Variants in OSBPL9 observed in about 807,000 individuals in gnomAD.
The protein encoded by OSBPL9 is oxysterol-binding protein-related protein 9.
OSBPL9 carries 40 observed loss-of-function variants against 106.6 expected under a neutral mutation model. The observed-to-expected ratio is 0.38, with a 90% CI of 0.29 to 0.49. The LOEUF (loss-of-function observed/expected upper bound fraction) is 0.49, where lower values mean the gene tolerates loss of function less well. Among genes scored for constraint, OSBPL9 ranks in the 20% least tolerant of loss-of-function variants. OSBPL9 has a pLI of 0.97. For missense variants in OSBPL9, 609 were observed against 887.2 expected, an observed-to-expected ratio of 0.69 and a Z score of 3.98; for synonymous variants, 269 against 295.4, an observed-to-expected ratio of 0.91 and a Z score of 0.92.
At chr1:51,750,591 A>AT (rs1328103555) in intron 8 of OSBPL9, among the ~76,000 whole-genome samples, 5 of 152,046 alleles carry the variant, frequency 3.3e-5, no homozygotes, top group African/African-American at 1.2e-4. Flanking sequence ...ATTTTTACGG[A>AT]TTTTTTTCTG....
At chr1:51,663,532 C>T (rs1647647665) in intron 2 of OSBPL9, among the ~76,000 whole-genome samples, 1 of 152,066 alleles carries the variant, frequency 6.6e-6, no homozygotes, top group South Asian at 2.1e-4. Flanking sequence ...ACCTGATATC[C>T]AAATGTAAAG....
the OSBPL9 span, among the ~76,000 whole-genome samples, chr1:51,560,712 C>A: frequency 0.46 from 70,210 of 151,900 alleles, 17,426 homozygotes; most frequent in African/African-American, 0.62. Context: ...TAAAGGCTGG[C>A]GTATTGGTCC....
At chr1:51,782,712 C>A in intron 17 of OSBPL9, 69 bp downstream of exon 17, 1 of 1,390,418 alleles carries the variant, frequency 7.2e-7, no homozygotes, top group Non-Finnish European at 1.0e-6. Context: ...TCATTAAAAG[C>A]GCCATAGCTG....
chr1:51,628,684 C>CTTTTTTTTTTTTT (rs909175159), intron 1 of OSBPL9, among the ~76,000 whole-genome samples: 1 of 134,484 alleles, frequency 7.4e-6, no homozygotes, highest in East Asian at 2.1e-4. Flanking sequence ...TTCTTTTTTT[C>CTTTTTTTTTTTTT]TTTTTTTTTT....
Position 51,610,445 on chromosome 1 carries a change from A to G in OSBPL9, c.-352-3860A>G, listed in dbSNP as rs182480407. Among the ~76,000 whole-genome samples, 156 of 152,234 alleles carry G rather than the reference A, an allele frequency of 1.0e-3. 1 individual carries two copies. Among genetic ancestry groups the G allele is most frequent in the African/African-American group, 3.6e-3 (151 of 41,518 alleles). ...CCAGCTAATTTTGTATTTTTGGTAG[A>G]GACGGGGTTTCACCTTGTTGGCCAG... On this transcript the variant is annotated intron_variant, in intron 2 of 25. Coordinates refer to the OSBPL9 transcript ENST00000371714.
At position 51,651,999 on chromosome 1, in the gene OSBPL9, C is replaced by CA; in HGVS notation, c.124dup (p.Met42AsnfsTer11). ...CTTTGTTTTTCTTTTAGTCCAAGGA[C>CA]AAAATGATGAGAGGCTCTCGCAGAG... On this transcript the variant is annotated frameshift_variant, in exon 2 of 24. Coordinates refer to ENST00000428468, the MANE Select transcript of OSBPL9 (RefSeq NM_024586.6). LOFTEE classifies it high-confidence loss of function. 1 of 1,607,760 alleles carries CA rather than the reference C, an allele frequency of 6.2e-7. No individual in the cohort carries two copies. The highest frequency in any genetic ancestry group is 8.5e-7 in the Non-Finnish European group (1 of 1,176,898).
At position 51,786,426 on chromosome 1, in the gene OSBPL9, T is replaced by G; in HGVS notation, c.1909-100T>G. 3 of 728,662 alleles carry G rather than the reference T, an allele frequency of 4.1e-6. No individual in the cohort carries two copies. In the South Asian group the frequency reaches 5.3e-5, roughly 13 times the overall value. The allele number at this position is 728,662 out of a possible 1,614,324, so 45.1% of individuals were successfully genotyped here. On this transcript the variant is annotated intron_variant, in intron 21 of 23. Transcript: ENST00000428468. ...CAGGAGGAGCCAGTTAACTGCATTTTGGACCTAGAGAATTTGAAGTGTCAA... is the reference window on the plus strand; with the variant it reads ...CAGGAGGAGCCAGTTAACTGCATTTGGGACCTAGAGAATTTGAAGTGTCAA...
intron 4 of OSBPL9, among the ~76,000 whole-genome samples, chr1:51,731,374 C>T (rs1021739725): frequency 1.1e-4 from 16 of 152,014 alleles, no homozygotes; most frequent in Non-Finnish European, 2.1e-4. Flanking sequence ...TCCCTTGAGC[C>T]CAGAAGTTTG....
intron 11 of OSBPL9, among the ~76,000 whole-genome samples, chr1:51,762,389 T>C (rs1262223508): frequency 6.6e-6 from 1 of 152,074 alleles, no homozygotes; most frequent in African/African-American, 2.4e-5. Context: ...TCTCAAACTC[T>C]TGGGCTCAAG....
At chr1:51,631,679 C>G (rs1353460987) in intron 1 of OSBPL9, among the ~76,000 whole-genome samples, 2 of 152,170 alleles carry the variant, frequency 1.3e-5, no homozygotes, top group Non-Finnish European at 1.5e-5. Flanking sequence ...AATCTCCTAG[C>G]CTGGTGGTCT....
rs538267325 is a variant in OSBPL9, at chr1:51,685,854, G to A, written c.241+16342G>A. 3.3e-5 allele frequency among the ~76,000 whole-genome samples: 5 copies of A among 152,274 alleles called. No individual in the cohort carries two copies. The East Asian group carries it at 9.6e-4, about 29-fold the overall frequency. ...AGATTAAAGTTAAATTTTATCATTA[G>A]ATTTTCTTAATATTAAATTTGGGAC... On this transcript the variant is annotated intron_variant, in intron 3 of 23. Coordinates refer to ENST00000428468, the MANE Select transcript of OSBPL9 (RefSeq NM_024586.6).
intron 3 of OSBPL9, among the ~76,000 whole-genome samples, chr1:51,699,213 G>GTCCTGC (rs1399455213): frequency 1.3e-5 from 2 of 152,244 alleles, no homozygotes; most frequent in East Asian, 3.9e-4. Context: ...GTATACATTA[G>GTCCTGC]TCCTGCTCCT....
chr1:51,673,724 T>G (rs2148775189), intron 3 of OSBPL9, among the ~76,000 whole-genome samples: 1 of 152,238 alleles, frequency 6.6e-6, no homozygotes, highest in Admixed American at 6.5e-5. Flanking sequence ...CTATAGGAAC[T>G]GGGGCACAGT....
At chr1:51,746,552 A>G (rs992355038) in intron 5 of OSBPL9, among the ~76,000 whole-genome samples, 158 bp from the exon 6 acceptor site, 3 of 152,196 alleles carry the variant, frequency 2.0e-5, no homozygotes, top group Non-Finnish European at 4.4e-5. Context: ...ACTTTGATTG[A>G]GTGCTCGAAA....
intron 2 of OSBPL9, among the ~76,000 whole-genome samples, chr1:51,655,887 T>A (rs1448083209): frequency 8.5e-5 from 13 of 152,264 alleles, no homozygotes. Flanking sequence ...CATGTATGTG[T>A]GTGTTTGTCC....
At chr1:51,740,054 T>C in intron 4 of OSBPL9, 2 of 1,507,054 alleles carry the variant, frequency 1.3e-6, no homozygotes, top group Non-Finnish European at 1.8e-6. Context: ...GTTACAGATT[T>C]TTCTCTTACT....
the OSBPL9 span, among the ~76,000 whole-genome samples, chr1:51,532,461 G>A: frequency 2.0e-5 from 3 of 152,052 alleles, no homozygotes; most frequent in African/African-American, 4.8e-5. Flanking sequence ...TATCTGCTGA[G>A]AGGGAGGAAA....
chr1:51,588,199 A>G (rs1645256976), intron 1 of OSBPL9, among the ~76,000 whole-genome samples: 1 of 152,148 alleles, frequency 6.6e-6, no homozygotes, highest in South Asian at 2.1e-4. Context: ...CCTGACCAAC[A>G]TGGAGAAACC....
At chr1:51,652,163 G>A (rs1413489271) in intron 2 of OSBPL9, 122 bp downstream of exon 2, 2 of 664,892 alleles carry the variant, frequency 3.0e-6, no homozygotes, top group African/African-American at 1.8e-5. Context: ...AGGTATCTAA[G>A]TCTCAGAGAG....
Sources: allele counts gnomAD v4.1 joint callset (sites outside exome capture counted in the v4.1 genomes callset), GRCh38; gene constraint gnomAD v4.1.1; transcripts MANE v1.5; gene names NCBI Gene and HGNC (gene_info 2026-07-23, HGNC 2026-07-21).